Variants in XRN1 observed in about 807,000 individuals in gnomAD.
XRN1 encodes the protein strand-exchange protein 1 homolog.
In XRN1, 67 loss-of-function variants were observed where a neutral mutation model predicts 222.3. The observed-to-expected ratio is 0.30, with a 90% CI of 0.25 to 0.37. The LOEUF (loss-of-function observed/expected upper bound fraction) is 0.37. Among genes scored for constraint, XRN1 ranks in the 10% least tolerant of loss-of-function variants. The pLI is 1.00. For missense variants in XRN1, 1,707 were observed against 2,000.2 expected, an observed-to-expected ratio of 0.85 and a Z score of 2.80; for synonymous variants, 643 against 652.4, an observed-to-expected ratio of 0.99 and a Z score of 0.22.
At position 142,374,632 on chromosome 3, in the gene XRN1, G is replaced by A. The variant is rs1166005900; in HGVS notation, c.2978+1166C>T. On this transcript the variant is annotated intron_variant, in intron 25 of 40. Transcript: ENST00000392981. ...TCCAGAGTGGTGGAAGTCAAAGAAAGCTGAAGCTCAGGATAGGAAAGCCAC... is the reference window on the plus strand; with the variant it reads ...TCCAGAGTGGTGGAAGTCAAAGAAAACTGAAGCTCAGGATAGGAAAGCCAC... 2.0e-5 allele frequency among the ~76,000 whole-genome samples: 3 copies of A among 152,180 alleles called. No homozygotes were observed. In the East Asian group the frequency reaches 5.8e-4, roughly 29 times the overall value.
chr3:142,430,579 A>G (rs2069479383), intron 2 of XRN1, among the ~76,000 whole-genome samples: 1 of 152,134 alleles, frequency 6.6e-6, no homozygotes, highest in Non-Finnish European at 1.5e-5. Flanking sequence ...TTCTTTTGAT[A>G]TTGAAATCAG....
intron 33 of XRN1, among the ~76,000 whole-genome samples, chr3:142,340,001 G>A (rs1009839859): frequency 6.6e-6 from 1 of 152,156 alleles, no homozygotes; most frequent in Non-Finnish European, 1.5e-5. Context: ...ATGTATCAGA[G>A]TCTCATAATA....
intron 32 of XRN1, 34 bp downstream of exon 32, chr3:142,355,367 A>G (rs767410773): frequency 1.7e-6 from 2 of 1,181,352 alleles, no homozygotes; most frequent in South Asian, 2.1e-5. Flanking sequence ...TATTTTCTTT[A>G]AATTAATTGT....
intron 39 of XRN1, among the ~76,000 whole-genome samples, chr3:142,317,213 G>C (rs2065235283): frequency 6.6e-6 from 1 of 152,098 alleles, no homozygotes; most frequent in African/African-American, 2.4e-5. Flanking sequence ...GGCTCTTTTA[G>C]AGATGCATAT....
At chr3:142,390,185 A>C (rs1254237815) in intron 20 of XRN1, among the ~76,000 whole-genome samples, 1 of 152,256 alleles carries the variant, frequency 6.6e-6, no homozygotes, top group Non-Finnish European at 1.5e-5. Flanking sequence ...GTCAATGAGC[A>C]CCGGGTTCAA....
At chr3:142,318,497 A>T in intron 39 of XRN1, 95 bp downstream of exon 39, 2 of 1,145,430 alleles carry the variant, frequency 1.7e-6, no homozygotes, top group Non-Finnish European at 2.5e-6. Context: ...TTCTTCTTAC[A>T]TTCCTAGATA....
intron 10 of XRN1, chr3:142,420,424 T>C (rs1390003132): frequency 6.5e-6 from 1 of 152,740 alleles, no homozygotes; most frequent in Non-Finnish European, 1.5e-5. Context: ...CAGGCTGGAG[T>C]GCAGTGGCTC....
chr3:142,427,799 G>A (rs1436397102), intron 2 of XRN1, among the ~76,000 whole-genome samples: 1 of 152,182 alleles, frequency 6.6e-6, no homozygotes, highest in Non-Finnish European at 1.5e-5. Context: ...CCTTTGCAGC[G>A]TACCAGCATG....
chr3:142,369,696 G>A (rs1263809286), intron 27 of XRN1, among the ~76,000 whole-genome samples: 3 of 149,958 alleles, frequency 2.0e-5, no homozygotes, highest in Non-Finnish European at 4.4e-5. Flanking sequence ...AGAATTGACT[G>A]TCAAAAGTCA....
intron 39 of XRN1, among the ~76,000 whole-genome samples, chr3:142,314,461 A>T (rs2065153615): frequency 6.6e-6 from 1 of 151,972 alleles, no homozygotes; most frequent in Non-Finnish European, 1.5e-5. Flanking sequence ...ACACATACTA[A>T]TTACTTAAAA....
At position 142,375,930 on chromosome 3, in the gene XRN1, T is replaced by G; in HGVS notation, c.2846A>C (p.His949Pro). 1.2e-6 allele frequency: 2 copies of G among 1,613,390 alleles called. No homozygotes were observed. The highest frequency in any genetic ancestry group is 1.7e-6 in the Non-Finnish European group (2 of 1,179,718). ...GAGATTTAAACCCACATTTGCTTTA[T>G]GGTCTCCATGAGGGCTGAATTTAAA... is the stretch of plus-strand genomic sequence containing the variant. The part of the protein sequence containing the change: ...RGSRRNPHGD[H>P]KANVGLNLKF... Residue 949 changes from histidine to proline, a missense_variant, in exon 25 of 41, where the codon CAT becomes CCT. Coordinates refer to ENST00000392981, the MANE Select transcript of XRN1 (RefSeq NM_001282857.2).
intron 18 of XRN1, among the ~76,000 whole-genome samples, chr3:142,403,430 C>T (rs1031882808): frequency 6.6e-6 from 1 of 152,090 alleles, no homozygotes; most frequent in Admixed American, 6.5e-5. Context: ...CTATACTTAA[C>T]TTTTGGTTTA....
At chr3:142,405,197 C>A (rs929085098) in intron 15 of XRN1, 121 bp from the exon 16 acceptor site, 76 of 916,260 alleles carry the variant, frequency 8.3e-5, no homozygotes, top group Non-Finnish European at 1.1e-4. Context: ...AAACAAAAAA[C>A]CAAAATCTTA....
rs761749009 is a variant in XRN1 at position 142,371,331 on chromosome 3, G to A, written c.2979-3C>T. On this transcript the variant is annotated splice_region_variant and splice_polypyrimidine_tract_variant and intron_variant, in intron 25 of 40. Coordinates refer to ENST00000392981, the MANE Select transcript of XRN1 (RefSeq NM_001282857.2). ...TATAACTAAATAGTTCTGGAGCTCT[G>A]GTCAAACAAACAAAAATATTGTCTT... 6.2e-7 allele frequency: 1 copy of A among 1,602,880 alleles called. No homozygotes were observed. The highest frequency in any genetic ancestry group is 1.7e-5 in the Admixed American group (1 of 57,274).
chr3:142,337,605 G>A (rs1233323391), intron 33 of XRN1, among the ~76,000 whole-genome samples: 1 of 152,138 alleles, frequency 6.6e-6, no homozygotes, highest in Non-Finnish European at 1.5e-5. Context: ...ATTCCCAACT[G>A]TGCCTGAACA....
chr3:142,348,405 A>G (rs1369460699), intron 32 of XRN1, among the ~76,000 whole-genome samples: 1 of 152,170 alleles, frequency 6.6e-6, no homozygotes, highest in Non-Finnish European at 1.5e-5. Flanking sequence ...GACTGATGAT[A>G]AAGTTACAGT....
chr3:142,411,412 G>C (rs925524408), intron 15 of XRN1, among the ~76,000 whole-genome samples: 1 of 151,766 alleles, frequency 6.6e-6, no homozygotes, highest in Non-Finnish European at 1.5e-5. Context: ...ATCTTCTTAA[G>C]TTAGAAGCTT....
At chr3:142,369,101 C>T (rs1255597430) in intron 27 of XRN1, among the ~76,000 whole-genome samples, 1 of 152,188 alleles carries the variant, frequency 6.6e-6, no homozygotes, top group African/African-American at 2.4e-5. Flanking sequence ...CAGTTCTTAA[C>T]TTATTCTGCA....
chr3:142,382,267 C>T (rs570937307), intron 22 of XRN1, among the ~76,000 whole-genome samples: 170 of 152,196 alleles, frequency 1.1e-3, no homozygotes, highest in Non-Finnish European at 2.0e-3. Flanking sequence ...AAAGATGATT[C>T]TTACATGATT....
Sources: gnomAD v4.1 joint callset for allele counts (sites outside exome capture counted in the v4.1 genomes callset) on GRCh38, gnomAD v4.1.1 for gene constraint, MANE v1.5 for transcripts, NCBI Gene and HGNC (gene_info 2026-07-23, HGNC 2026-07-21) for gene names.